GRIP1: variants seen among roughly 807,000 people sequenced by gnomAD.
GRIP1 encodes the protein glutamate receptor-interacting protein 1.
In GRIP1, 45 loss-of-function variants were observed where a neutral mutation model predicts 129.9. That is an observed-to-expected ratio of 0.35 (90% CI 0.27 to 0.44). The LOEUF is 0.44. GRIP1 is among the 20% of genes least tolerant of loss of function. The pLI, the probability that GRIP1 is intolerant of heterozygous loss-of-function variation, is 1.00. For synonymous variants in GRIP1, 530 were observed against 520.8 expected (o/e 1.02, Z -0.24); for missense variants, 1,196 against 1,396.8 (o/e 0.86, Z 2.29).
chr12:66,749,335 A>C (rs1404578331), intron 1 of GRIP1, among the ~76,000 whole-genome samples: 3 of 152,140 alleles, frequency 2.0e-5, no homozygotes, highest in African/African-American at 7.2e-5. Context: ...ACTCAGTGTA[A>C]TTTGGGAAAG....
rs1477155577 is a variant in GRIP1 at position 66,815,858 on chromosome 12, C to CTTTCTTTCTTTCTTTCTT, written c.59-218932_59-218931insAAGAAAGAAAGAAAGAAA. On this transcript the variant is annotated intron_variant, in intron 1 of 1. Coordinates refer to the GRIP1 transcript ENST00000643019. The stretch of plus-strand genomic sequence containing the variant: ...TTTCTTTCTTTCTTTCTTTCTTTCT[C>CTTTCTTTCTTTCTTTCTT]TCTCTCTCTCTCTCTCTCTCTCTTT... 1.4e-3 allele frequency among the ~76,000 whole-genome samples: 79 copies of CTTTCTTTCTTTCTTTCTT among 56,356 alleles called. 1 individual carries two copies. Among genetic ancestry groups the CTTTCTTTCTTTCTTTCTT allele is most frequent in the Admixed American group, 8.4e-3 (47 of 5,570 alleles). 37.0% of individuals were successfully genotyped at this position (56,356 alleles called of 152,430 possible).
chr12:66,927,211 G>GTTATACATCCCTTTA (rs1425162742), intron 1 of GRIP1, among the ~76,000 whole-genome samples: 1 of 152,146 alleles, frequency 6.6e-6, no homozygotes, highest in African/African-American at 2.4e-5. Flanking sequence ...GTGAGCTACT[G>GTTATACATCCCTTTA]TTATACATCC....
At chr12:67,055,690 T>C (rs1032125322) in intron 1 of GRIP1, among the ~76,000 whole-genome samples, 3 of 152,274 alleles carry the variant, frequency 2.0e-5, no homozygotes, top group South Asian at 2.1e-4. Context: ...TCTGAAAAAC[T>C]AGTATGCACT....
intron 1 of GRIP1, among the ~76,000 whole-genome samples, chr12:66,999,671 A>T (rs148285458): frequency 6.6e-6 from 1 of 152,326 alleles, no homozygotes; most frequent in East Asian, 1.9e-4. Flanking sequence ...GAACTATCTA[A>T]ATAATTAATG....
chr12:66,816,417 G>T (rs569585631), intron 1 of GRIP1, among the ~76,000 whole-genome samples: 2 of 152,250 alleles, frequency 1.3e-5, no homozygotes, highest in East Asian at 3.9e-4. Flanking sequence ...CTCAGTTCCT[G>T]TATATTGATT....
chr12:66,464,950 CTTT>C (rs2059243291), intron 8 of GRIP1, among the ~76,000 whole-genome samples: 1 of 118,190 alleles, frequency 8.5e-6, no homozygotes, highest in Admixed American at 7.6e-5. Flanking sequence ...TTCTTTCTTT[CTTT>C]CTTTTTTTTT....
chr12:66,712,380 T>C (rs1378907214), intron 1 of GRIP1, among the ~76,000 whole-genome samples: 2 of 151,936 alleles, frequency 1.3e-5, no homozygotes, highest in Non-Finnish European at 2.9e-5. Context: ...TATATAGGAA[T>C]GTTAAATGAC....
At chr12:66,781,560 C>T (rs1430534059) in intron 1 of GRIP1, among the ~76,000 whole-genome samples, 4 of 152,152 alleles carry the variant, frequency 2.6e-5, no homozygotes, top group Non-Finnish European at 5.9e-5. Context: ...GTTCTGCAAA[C>T]ATCTCCACAA....
chr12:66,692,709 A>G (rs2035022221), intron 1 of GRIP1, among the ~76,000 whole-genome samples: 1 of 152,174 alleles, frequency 6.6e-6, no homozygotes, highest in Non-Finnish European at 1.5e-5. Flanking sequence ...ACCACAGCTG[A>G]GAGTTCTTTG....
intron 1 of GRIP1, among the ~76,000 whole-genome samples, chr12:66,930,284 G>C (rs1231834282): frequency 4.2e-5 from 5 of 118,210 alleles, no homozygotes; most frequent in Non-Finnish European, 8.3e-5. Flanking sequence ...AGTCCCCAGA[G>C]TGTGATGTTC....
At chr12:66,818,382 T>C (rs1236546379) in intron 1 of GRIP1, among the ~76,000 whole-genome samples, 1 of 152,232 alleles carries the variant, frequency 6.6e-6, no homozygotes, top group Admixed American at 6.5e-5. Flanking sequence ...TATTTTATTA[T>C]TGGCAACAAA....
intron 7 of GRIP1, among the ~76,000 whole-genome samples, chr12:66,497,396 G>A (rs1422194330): frequency 6.6e-6 from 1 of 152,178 alleles, no homozygotes; most frequent in African/African-American, 2.4e-5. Context: ...AAGAATGTGT[G>A]GAGGGATTGG....
chr12:67,064,016 GA>G (rs35821581), intron 1 of GRIP1, among the ~76,000 whole-genome samples: 5 of 151,704 alleles, frequency 3.3e-5, no homozygotes, highest in African/African-American at 9.7e-5. Flanking sequence ...AATACGCTTT[GA>G]AAAAAAAGGA....
At chr12:66,703,778 G>A (rs571548554) in intron 1 of GRIP1, among the ~76,000 whole-genome samples, 2 of 152,124 alleles carry the variant, frequency 1.3e-5, no homozygotes, top group Admixed American at 6.6e-5. Flanking sequence ...AAGAGCCATG[G>A]GTTGGGTGAC....
chr12:66,476,286 G>T (rs1412267621), intron 7 of GRIP1, among the ~76,000 whole-genome samples: 1 of 152,086 alleles, frequency 6.6e-6, no homozygotes, highest in Admixed American at 6.6e-5. Flanking sequence ...TAAATTCCTG[G>T]ACACATACAC....
intron 1 of GRIP1, among the ~76,000 whole-genome samples, chr12:66,798,099 C>A (rs2038753341): frequency 6.6e-6 from 1 of 152,106 alleles, no homozygotes. Flanking sequence ...ATGACCACTA[C>A]ATCATGCAAA....
intron 1 of GRIP1, among the ~76,000 whole-genome samples, chr12:67,054,062 G>A (rs1351472711): frequency 2.0e-5 from 3 of 152,120 alleles, no homozygotes; most frequent in Non-Finnish European, 4.4e-5. Context: ...AGTTTATTTA[G>A]GTCCCCAATT....
intron 1 of GRIP1, among the ~76,000 whole-genome samples, chr12:66,604,512 G>T (rs2064421500): frequency 6.6e-6 from 1 of 152,158 alleles, no homozygotes; most frequent in Non-Finnish European, 1.5e-5. Flanking sequence ...TCATTTTCAT[G>T]ACCATATCAG....
At chr12:66,826,233 A>G (rs1231195979) in intron 1 of GRIP1, among the ~76,000 whole-genome samples, 3 of 152,162 alleles carry the variant, frequency 2.0e-5, no homozygotes, top group Non-Finnish European at 2.9e-5. Context: ...GTTCTCACTC[A>G]TAAGTGGGAG....
Sources: gnomAD v4.1 joint callset for allele counts (sites outside exome capture counted in the v4.1 genomes callset) on GRCh38, gnomAD v4.1.1 for gene constraint, MANE v1.5 for transcripts, NCBI Gene and HGNC (gene_info 2026-07-23, HGNC 2026-07-21) for gene names.